Variants in RGS7BP observed in about 807,000 individuals in gnomAD.
RGS7BP encodes regulator of G protein signaling 7-binding protein.
In RGS7BP, 9 loss-of-function variants were observed where a neutral mutation model predicts 31.3. The ratio of observed to expected loss-of-function variants is 0.29; its 90% CI spans 0.17 to 0.50. RGS7BP has a LOEUF of 0.50. Ranked by LOEUF, RGS7BP falls within the 20% of genes least tolerant of loss-of-function variation. The pLI is 0.98. For missense variants in RGS7BP, 274 were observed against 322.0 expected, an observed-to-expected ratio of 0.85 and a Z score of 1.14; for synonymous variants, 115 against 120.1, an observed-to-expected ratio of 0.96 and a Z score of 0.28.
At chr5:64,553,171 C>CTTTTTTTTTTTTT (rs542252038) in intron 2 of RGS7BP, among the ~76,000 whole-genome samples, 14 of 118,210 alleles carry the variant, frequency 1.2e-4, no homozygotes, top group Non-Finnish European at 1.7e-4. Context: ...TTCTTTCTTT[C>CTTTTTTTTTTTTT]TTTTTTTTTT....
chr5:64,565,002 G>A (rs1453932821), intron 2 of RGS7BP, among the ~76,000 whole-genome samples: 2 of 152,062 alleles, frequency 1.3e-5, no homozygotes, highest in Admixed American at 1.3e-4. Context: ...AATGAAACAA[G>A]TTTGTGGCCA....
chr5:64,573,276 T>TAAA (rs1291343907), intron 2 of RGS7BP, among the ~76,000 whole-genome samples: 46 of 152,170 alleles, frequency 3.0e-4, no homozygotes, highest in African/African-American at 1.1e-3. Context: ...CCTAATACAT[T>TAAA]GCTTTACCTC....
intron 2 of RGS7BP, among the ~76,000 whole-genome samples, chr5:64,568,501 T>C (rs1023290886): frequency 6.6e-6 from 1 of 152,152 alleles, no homozygotes; most frequent in African/African-American, 2.4e-5. Flanking sequence ...ATTAGTTTTC[T>C]CCTTGCCAAT....
intron 5 of RGS7BP, among the ~76,000 whole-genome samples, chr5:64,600,757 G>A (rs1743196849): frequency 1.3e-5 from 2 of 152,178 alleles, no homozygotes; most frequent in Non-Finnish European, 2.9e-5. Flanking sequence ...GGAGAAATGG[G>A]AACCCTTAGC....
rs1224524820 is a variant in RGS7BP, at chr5:64,609,599, C to T, written c.*347C>T. On this transcript the variant is annotated 3_prime_UTR_variant, in exon 6 of 6. Coordinates refer to ENST00000334025, the MANE Select transcript of RGS7BP (RefSeq NM_001029875.3). ...TATTATACAGAGGAAAAATATTTCA[C>T]ATATAATAGTATATCTATAGCTCTT... 5.0e-6 allele frequency: 1 copy of T among 199,184 alleles called. No homozygotes were observed. The allele number at this position is 199,184 out of a possible 1,614,324, so 12.3% of individuals were successfully genotyped here. A position where few individuals can be genotyped will look rare whatever the true frequency, so the allele number is the denominator to read the frequency against.
At chr5:64,605,984 TAC>T (rs1334439788) in intron 5 of RGS7BP, among the ~76,000 whole-genome samples, 2 of 144,656 alleles carry the variant, frequency 1.4e-5, no homozygotes, top group African/African-American at 2.6e-5. Context: ...TATATCTGGA[TAC>T]ATATATATAT....
At chr5:64,571,879 G>A (rs940017053) in intron 2 of RGS7BP, among the ~76,000 whole-genome samples, 3 of 152,092 alleles carry the variant, frequency 2.0e-5, no homozygotes, top group African/African-American at 7.2e-5. Flanking sequence ...TTTTGTAGAA[G>A]TTAATTCTTA....
chr5:64,603,688 T>C (rs1743279455), intron 5 of RGS7BP, among the ~76,000 whole-genome samples: 1 of 152,192 alleles, frequency 6.6e-6, no homozygotes, highest in African/African-American at 2.4e-5. Flanking sequence ...ACTTGTGGTG[T>C]TGGCAAAAAC....
chr5:64,539,196 C>T (rs1281597638), intron 2 of RGS7BP, among the ~76,000 whole-genome samples: 1 of 152,018 alleles, frequency 6.6e-6, no homozygotes, highest in African/African-American at 2.4e-5. Flanking sequence ...CTGTTTAAGT[C>T]TTTGGCTTAT....
intron 3 of RGS7BP, among the ~76,000 whole-genome samples, chr5:64,592,753 C>T (rs1742954020): frequency 6.6e-6 from 1 of 152,176 alleles, no homozygotes; most frequent in South Asian, 2.1e-4. Context: ...ATGCCCAAAC[C>T]ATACTCCATT....
chr5:64,507,679 G>T lies in RGS7BP; in HGVS notation c.166-32G>T, dbSNP rs745956851. 30 of 1,528,106 alleles carry T rather than the reference G, an allele frequency of 2.0e-5. No individual in the cohort carries two copies. The South Asian group carries it at 3.7e-4, about 19-fold the overall frequency. 94.7% of individuals were successfully genotyped at this position (1,528,106 alleles called of 1,614,324 possible). On this transcript the variant is annotated intron_variant, in intron 1 of 5. Coordinates refer to ENST00000334025, the MANE Select transcript of RGS7BP (RefSeq NM_001029875.3). ...GGAAACTTTCTGATGAGAAATGTTT[G>T]GTAAAAAAAAAAAAACTCACTTCTT...
chr5:64,603,392 G>A (rs1408331100), intron 5 of RGS7BP, among the ~76,000 whole-genome samples: 1 of 152,168 alleles, frequency 6.6e-6, no homozygotes, highest in Non-Finnish European at 1.5e-5. Flanking sequence ...AGTGCTCAGT[G>A]GTTAATAGTG....
intron 2 of RGS7BP, among the ~76,000 whole-genome samples, chr5:64,511,388 T>G (rs1748828725): frequency 6.6e-6 from 1 of 152,216 alleles, no homozygotes; most frequent in Non-Finnish European, 1.5e-5. Flanking sequence ...ACTAAAGTTA[T>G]GTCTTTACAA....
intron 2 of RGS7BP, among the ~76,000 whole-genome samples, chr5:64,543,394 G>A (rs1580414699): frequency 1.3e-5 from 2 of 152,348 alleles, no homozygotes; most frequent in South Asian, 4.1e-4. Context: ...TGAAAGTGTT[G>A]AAACTAAATA....
intron 2 of RGS7BP, 176 bp from the exon 3 acceptor site, chr5:64,575,598 G>C (rs1580446318): frequency 8.3e-7 from 1 of 1,207,506 alleles, no homozygotes; most frequent in Non-Finnish European, 1.1e-6. Context: ...GTCAGAAAGA[G>C]ACTTACATAA....
At chr5:64,562,062 TCTATCA>T (rs2111865181) in intron 2 of RGS7BP, among the ~76,000 whole-genome samples, 1 of 152,326 alleles carries the variant, frequency 6.6e-6, no homozygotes, top group East Asian at 1.9e-4. Flanking sequence ...CTGCAAGTTT[TCTATCA>T]CTATTCAGAA....
chr5:64,601,670 G>A (rs767205101), intron 5 of RGS7BP, among the ~76,000 whole-genome samples: 12 of 152,162 alleles, frequency 7.9e-5, no homozygotes, highest in Admixed American at 2.0e-4. Flanking sequence ...CTGCTTCAGC[G>A]CCCCTCCTGT....
intron 2 of RGS7BP, among the ~76,000 whole-genome samples, chr5:64,564,522 A>C (rs762439963): frequency 6.6e-6 from 1 of 152,194 alleles, no homozygotes; most frequent in South Asian, 2.1e-4. Context: ...ATTTATGAGA[A>C]GGGTACAGAT....
At chr5:64,549,298 C>G (rs1332785450) in intron 2 of RGS7BP, among the ~76,000 whole-genome samples, 1 of 152,196 alleles carries the variant, frequency 6.6e-6, no homozygotes, top group Admixed American at 6.5e-5. Flanking sequence ...GGTGACAGGT[C>G]CCAATCAAGT....
Sources: allele counts gnomAD v4.1 joint callset (sites outside exome capture counted in the v4.1 genomes callset), GRCh38; gene constraint gnomAD v4.1.1; transcripts MANE v1.5; gene names NCBI Gene and HGNC (gene_info 2026-07-23, HGNC 2026-07-21).